The following NSMCE2 variants were observed in gnomAD, a reference collection of about 807,000 sequenced individuals.
NSMCE2 encodes the protein NSE2 SUMO ligase component of SMC5/6 complex.
In NSMCE2, 24 loss-of-function variants were observed where a neutral mutation model predicts 23.8. That is an observed-to-expected ratio of 1.01 (90% CI 0.73 to 1.42). The LOEUF (loss-of-function observed/expected upper bound fraction) is 1.42, where lower values mean the gene tolerates loss of function less well. NSMCE2 is among the 40% of genes most tolerant of loss of function. The probability of loss-of-function intolerance (pLI) is 0.00; values close to 1 mark genes in which losing one functional copy is unlikely to be tolerated. For synonymous variants in NSMCE2, 92 were observed against 94.1 expected (o/e 0.98, Z 0.13); for missense variants, 284 against 296.5 (o/e 0.96, Z 0.31).
intron 1 of NSMCE2, among the ~76,000 whole-genome samples, chr8:125,098,194 A>G (rs1818024733): frequency 6.6e-6 from 1 of 152,182 alleles, no homozygotes; most frequent in Non-Finnish European, 1.5e-5. Context: ...CAGTGTTTTA[A>G]TGGGCCCATC....
At chr8:125,200,543 G>A (rs1452398692) in intron 5 of NSMCE2, among the ~76,000 whole-genome samples, 3 of 152,014 alleles carry the variant, frequency 2.0e-5, no homozygotes, top group Non-Finnish European at 4.4e-5. Context: ...TGAGAGATCC[G>A]CTGTTAGTCT....
intron 5 of NSMCE2, among the ~76,000 whole-genome samples, chr8:125,331,201 G>A (rs1280065202): frequency 6.6e-6 from 1 of 152,210 alleles, no homozygotes; most frequent in Non-Finnish European, 1.5e-5. Flanking sequence ...TCGGGAGGCT[G>A]AGGCAGGAGA....
intron 5 of NSMCE2, among the ~76,000 whole-genome samples, chr8:125,267,595 G>C (rs1196905263): frequency 4.6e-5 from 7 of 152,108 alleles, no homozygotes; most frequent in Non-Finnish European, 1.0e-4. Flanking sequence ...GGATCAACCT[G>C]GGCAACATAG....
intron 5 of NSMCE2, among the ~76,000 whole-genome samples, chr8:125,256,071 CAA>C (rs1164150711): frequency 2.6e-5 from 4 of 152,070 alleles, no homozygotes; most frequent in Non-Finnish European, 4.4e-5. Flanking sequence ...ATCACAAGGT[CAA>C]GAGATCAAGA....
At chr8:125,154,837 A>C (rs1821228421) in intron 4 of NSMCE2, among the ~76,000 whole-genome samples, 1 of 152,200 alleles carries the variant, frequency 6.6e-6, no homozygotes, top group Non-Finnish European at 1.5e-5. Flanking sequence ...TTGAGAACAG[A>C]ATGATGTTCT....
chr8:125,123,893 T>G (rs915045005), intron 3 of NSMCE2, among the ~76,000 whole-genome samples: 1 of 152,318 alleles, frequency 6.6e-6, no homozygotes, highest in Non-Finnish European at 1.5e-5. Context: ...TTGGTGACAA[T>G]AACAACTTTA....
chr8:125,098,854 TG>T (rs1449705915), intron 1 of NSMCE2, among the ~76,000 whole-genome samples: 2 of 152,124 alleles, frequency 1.3e-5, no homozygotes, highest in Admixed American at 1.3e-4. Flanking sequence ...TTTTAAGTTC[TG>T]GAGTGATCTT....
intron 4 of NSMCE2, among the ~76,000 whole-genome samples, chr8:125,179,907 T>C (rs1822714815): frequency 6.6e-6 from 1 of 152,218 alleles, no homozygotes; most frequent in Non-Finnish European, 1.5e-5. Flanking sequence ...TATTATCTGC[T>C]TAGATCATCC....
At chr8:125,326,132 C>T (rs1175335644) in intron 5 of NSMCE2, among the ~76,000 whole-genome samples, 2 of 151,762 alleles carry the variant, frequency 1.3e-5, no homozygotes, top group Non-Finnish European at 2.9e-5. Context: ...TGGCAGGCGC[C>T]TGTAGTCCCA....
intron 5 of NSMCE2, among the ~76,000 whole-genome samples, chr8:125,196,613 T>G (rs1823634881): frequency 6.6e-6 from 1 of 152,244 alleles, no homozygotes; most frequent in Non-Finnish European, 1.5e-5. Context: ...GTTGGACATT[T>G]GGGTTGGTTC....
At chr8:125,223,501 G>A (rs1356569686) in intron 5 of NSMCE2, among the ~76,000 whole-genome samples, 1 of 152,194 alleles carries the variant, frequency 6.6e-6, no homozygotes, top group African/African-American at 2.4e-5. Context: ...TGTATACCCA[G>A]AAGTGGGATC....
chr8:125,131,124 T>C (rs578143118), intron 3 of NSMCE2, among the ~76,000 whole-genome samples: 1 of 152,358 alleles, frequency 6.6e-6, no homozygotes, highest in South Asian at 2.1e-4. Flanking sequence ...ATAGTCTGGA[T>C]TCTATTACAG....
chr8:125,137,937 C>A (rs751624985), intron 3 of NSMCE2, among the ~76,000 whole-genome samples: 1 of 152,134 alleles, frequency 6.6e-6, no homozygotes. Flanking sequence ...ATAGTATGTG[C>A]TCAATAGATG....
intron 5 of NSMCE2, among the ~76,000 whole-genome samples, chr8:125,353,197 A>T (rs1333280192): frequency 6.6e-6 from 1 of 152,230 alleles, no homozygotes; most frequent in African/African-American, 2.4e-5. Context: ...TTTTCTGGTG[A>T]ATTCTCTGGC....
chr8:125,202,098 T>A (rs1823909142), intron 5 of NSMCE2, among the ~76,000 whole-genome samples: 1 of 152,228 alleles, frequency 6.6e-6, no homozygotes, highest in South Asian at 2.1e-4. Context: ...GAGAGTGTCC[T>A]GTTTTTCCAG....
intron 5 of NSMCE2, among the ~76,000 whole-genome samples, chr8:125,290,714 T>C (rs1194209655): frequency 6.6e-6 from 1 of 152,160 alleles, no homozygotes; most frequent in African/African-American, 2.4e-5. Context: ...GACACAAATA[T>C]GGTTGCCATG....
At chr8:125,305,622 G>A (rs907353831) in intron 5 of NSMCE2, among the ~76,000 whole-genome samples, 4 of 152,212 alleles carry the variant, frequency 2.6e-5, no homozygotes, top group African/African-American at 9.6e-5. Context: ...TCATCAAGGA[G>A]TATATGGTTA....
At chr8:125,112,056 T>G (rs2130434272) in intron 3 of NSMCE2, among the ~76,000 whole-genome samples, 1 of 152,318 alleles carries the variant, frequency 6.6e-6, no homozygotes, top group South Asian at 2.1e-4. Context: ...AGGTGGTTTC[T>G]AGTGGTGAGT....
chr8:125,152,971 C>T (rs1458385677), intron 4 of NSMCE2, among the ~76,000 whole-genome samples: 8 of 146,614 alleles, frequency 5.5e-5, no homozygotes, highest in African/African-American at 1.5e-4. Flanking sequence ...GCAGGAGAAC[C>T]GCTTGGACCC....
Sources: allele counts gnomAD v4.1 joint callset (sites outside exome capture counted in the v4.1 genomes callset), GRCh38; gene constraint gnomAD v4.1.1; transcripts MANE v1.5; gene names NCBI Gene and HGNC (gene_info 2026-07-23, HGNC 2026-07-21).